HSD17B11: variants seen among roughly 807,000 people sequenced by gnomAD.
HSD17B11 encodes hydroxysteroid 17-beta dehydrogenase 11.
In HSD17B11, 22 loss-of-function variants were observed where a neutral mutation model predicts 27.8. That is an observed-to-expected ratio of 0.79 (90% CI 0.56 to 1.13). The LOEUF (loss-of-function observed/expected upper bound fraction) is 1.13. Among genes scored for constraint, HSD17B11 ranks in the 50% most tolerant of loss-of-function variants. The pLI, the probability that HSD17B11 is intolerant of heterozygous loss-of-function variation, is 0.00. For missense variants in HSD17B11, 314 were observed against 351.1 expected, an observed-to-expected ratio of 0.89 and a Z score of 0.84; for synonymous variants, 117 against 132.8, an observed-to-expected ratio of 0.88 and a Z score of 0.82.
intron 1 of HSD17B11, among the ~76,000 whole-genome samples, chr4:87,383,898 G>A (rs75579487): frequency 6.6e-6 from 1 of 151,892 alleles, no homozygotes; most frequent in African/African-American, 2.4e-5. Flanking sequence ...AATTACTTTT[G>A]CATCAACCTA....
intron 2 of HSD17B11, among the ~76,000 whole-genome samples, chr4:87,381,099 C>A (rs1360528888): frequency 1.4e-5 from 2 of 138,384 alleles, no homozygotes; most frequent in Non-Finnish European, 3.1e-5. Context: ...GCAGGAGAAT[C>A]GCTTGTGAAC....
chr4:87,364,294 AAC>A (rs1263165053), intron 4 of HSD17B11, among the ~76,000 whole-genome samples: 2 of 151,952 alleles, frequency 1.3e-5, no homozygotes, highest in Middle Eastern at 3.4e-3. Flanking sequence ...AAAGAAAAAA[AAC>A]CCCTCTGTTT....
intron 4 of HSD17B11, among the ~76,000 whole-genome samples, chr4:87,367,535 T>G (rs1158905306): frequency 6.6e-6 from 1 of 152,218 alleles, no homozygotes; most frequent in Non-Finnish European, 1.5e-5. Flanking sequence ...ATAATTATTC[T>G]CGCTGCACTT....
chr4:87,380,482 AAAAAAAG>A (rs1560770456), intron 2 of HSD17B11, among the ~76,000 whole-genome samples: 5 of 138,780 alleles, frequency 3.6e-5, no homozygotes, highest in East Asian at 2.0e-4. Flanking sequence ...AAAAAAAAAA[AAAAAAAG>A]AAAAAAGAAA....
chr4:87,340,646 C>T (rs753103558), intron 5 of HSD17B11, 40 bp from the exon 6 acceptor site: 12 of 1,359,412 alleles, frequency 8.8e-6, no homozygotes, highest in Middle Eastern at 1.8e-4. Flanking sequence ...AATACTTCAC[C>T]GAGGCTTCAG....
rs537807029 is a variant in HSD17B11, at chr4:87,356,047, G to C, written c.695+1232C>G. Among the ~76,000 whole-genome samples, 18 of 152,310 alleles carry C rather than the reference G, an allele frequency of 1.2e-4. No individual in the cohort carries two copies. In the South Asian group the frequency reaches 3.3e-3, roughly 28 times the overall value. ...TCATATGCGAACATGAATGTAGCTAGTCATCAGGGTAAAAACAAAGATGAT... is the reference window on the plus strand; with the variant it reads ...TCATATGCGAACATGAATGTAGCTACTCATCAGGGTAAAAACAAAGATGAT... On this transcript the variant is annotated intron_variant, in intron 5 of 6. Transcript: ENST00000358290.
At chr4:87,379,068 T>C (rs1431517624) in intron 2 of HSD17B11, among the ~76,000 whole-genome samples, 4 of 144,338 alleles carry the variant, frequency 2.8e-5, no homozygotes, top group African/African-American at 7.6e-5. Flanking sequence ...AGTGATTCTC[T>C]CACCTCAACC....
intron 1 of HSD17B11, 137 bp from the exon 2 acceptor site, chr4:87,382,499 A>G (rs1720203145): frequency 1.8e-6 from 1 of 554,506 alleles, no homozygotes. Context: ...TTAACAACAC[A>G]TTTTTGGCAG....
rs777162512 is a variant in HSD17B11, at chr4:87,337,332, G to T, written c.847C>A (p.Arg283=). The part of the protein sequence containing the change: ...LPERFLAVLK[R]KISVKFDAVI... Reference sequence around the variant, plus strand: ...GCATCAAACTTAACACTGATTTTTCGTTTTAAAACTGCCAGGAAACGCTCA... The same window carrying T: ...GCATCAAACTTAACACTGATTTTTCTTTTTAAAACTGCCAGGAAACGCTCA... The change falls in exon 7 of 7, where the codon CGA becomes AGA. Residue 283 remains arginine (R), a synonymous_variant. Transcript: ENST00000358290. The T allele has an allele frequency of 1.9e-6, 3 of 1,602,066 alleles. No homozygotes were observed. The highest frequency in any genetic ancestry group is 2.6e-6 in the Non-Finnish European group (3 of 1,170,944).
chr4:87,360,783 CCTTGCAACTGAAAGAGTGACAAAA>C (rs1735495372), intron 4 of HSD17B11, among the ~76,000 whole-genome samples: 2 of 152,118 alleles, frequency 1.3e-5, no homozygotes, highest in South Asian at 4.1e-4. Context: ...GTTTTTTGTT[CCTTGCAACTGAAAGAGTGACAAAA>C]TACCAATGAT....
At chr4:87,378,855 TAA>T (rs1233363438) in intron 2 of HSD17B11, among the ~76,000 whole-genome samples, 689 of 41,648 alleles carry the variant, frequency 0.017, 108 homozygotes, top group African/African-American at 0.041. Flanking sequence ...AATATATATA[TAA>T]ATATATATAA....
chr4:87,377,789 T>G (rs1444187945), intron 2 of HSD17B11, among the ~76,000 whole-genome samples: 1 of 152,186 alleles, frequency 6.6e-6, no homozygotes, highest in Non-Finnish European at 1.5e-5. Context: ...TATTTAGAGA[T>G]AGTGCTACAG....
chr4:87,378,775 T>C (rs1719979715), intron 2 of HSD17B11, among the ~76,000 whole-genome samples: 1 of 130,012 alleles, frequency 7.7e-6, no homozygotes, highest in Admixed American at 9.7e-5. Flanking sequence ...AGAATATGTT[T>C]TGCGTGTATA....
At chr4:87,365,568 T>C (rs575729967) in intron 4 of HSD17B11, among the ~76,000 whole-genome samples, 164 of 152,298 alleles carry the variant, frequency 1.1e-3, no homozygotes, top group African/African-American at 3.8e-3. Context: ...TTATCTGCAC[T>C]TCTGCCTGGT....
intron 4 of HSD17B11, among the ~76,000 whole-genome samples, chr4:87,364,601 G>C (rs1466538951): frequency 6.6e-6 from 1 of 152,178 alleles, no homozygotes; most frequent in Non-Finnish European, 1.5e-5. Flanking sequence ...TGGGAGATGA[G>C]ACTCTCATGA....
At chr4:87,379,765 C>G (rs1720080818) in intron 2 of HSD17B11, among the ~76,000 whole-genome samples, 1 of 124,348 alleles carries the variant, frequency 8.0e-6, no homozygotes, top group African/African-American at 2.9e-5. Flanking sequence ...TATAGTATAA[C>G]AGTATAATAT....
At chr4:87,370,122 T>C (rs888040345) in intron 4 of HSD17B11, among the ~76,000 whole-genome samples, 1 of 152,196 alleles carries the variant, frequency 6.6e-6, no homozygotes, top group Admixed American at 6.5e-5. Context: ...CAATGATAGA[T>C]GAGGGCTGAA....
chr4:87,385,367 G>C (rs1361814184), intron 1 of HSD17B11, among the ~76,000 whole-genome samples: 2 of 152,104 alleles, frequency 1.3e-5, no homozygotes, highest in Non-Finnish European at 2.9e-5. Context: ...GCAGTACCCA[G>C]AGTATCATAT....
Position 87,361,313 on chromosome 4 carries a change from G to A in HSD17B11, c.558-3897C>T, listed in dbSNP as rs562765500. ...AACTGTTCACAAATGCCCTGGCAAC[G>A]TCAGGAAGTTACCCTACATGGTCTA... On this transcript the variant is annotated intron_variant, in intron 4 of 6. Coordinates refer to ENST00000358290, the MANE Select transcript of HSD17B11 (RefSeq NM_016245.5). 2.2e-4 allele frequency among the ~76,000 whole-genome samples: 33 copies of A among 152,258 alleles called. 1 individual carries two copies. The highest frequency in any genetic ancestry group is 1.7e-3 in the South Asian group (8 of 4,832).
Sources: allele counts gnomAD v4.1 joint callset (sites outside exome capture counted in the v4.1 genomes callset), GRCh38; gene constraint gnomAD v4.1.1; transcripts MANE v1.5; gene names NCBI Gene and HGNC (gene_info 2026-07-23, HGNC 2026-07-21).